Variants in TSPAN9 observed in about 807,000 individuals in gnomAD.
The protein encoded by TSPAN9 is tetraspanin 9.
In TSPAN9, 16 loss-of-function variants were observed where a neutral mutation model predicts 31.0. That is an observed-to-expected ratio of 0.52 (90% CI 0.35 to 0.78). The LOEUF (loss-of-function observed/expected upper bound fraction) is 0.78. Ranked by LOEUF, TSPAN9 falls within the 30% of genes least tolerant of loss-of-function variation. The probability of loss-of-function intolerance (pLI) is 0.01; values close to 1 mark genes in which losing one functional copy is unlikely to be tolerated. For missense variants in TSPAN9, 272 were observed against 312.5 expected, an observed-to-expected ratio of 0.87 and a Z score of 0.98; for synonymous variants, 145 against 121.6, an observed-to-expected ratio of 1.19 and a Z score of -1.27.
At chr12:3,212,415 T>C (rs2098379198) in intron 3 of TSPAN9, among the ~76,000 whole-genome samples, 2 of 152,222 alleles carry the variant, frequency 1.3e-5, no homozygotes, top group African/African-American at 4.8e-5. Context: ...TTATGTTATA[T>C]AGAGACTTCT....
At chr12:3,169,457 T>G (rs1415490403) in intron 2 of TSPAN9, among the ~76,000 whole-genome samples, 1 of 152,218 alleles carries the variant, frequency 6.6e-6, no homozygotes, top group Non-Finnish European at 1.5e-5. Flanking sequence ...CCCCTAGATC[T>G]CAGCTTCTCC....
At position 3,172,550 on chromosome 12, in the gene TSPAN9, G is replaced by C. The variant is rs919987970; in HGVS notation, c.-17-28627G>C. The C allele has an allele frequency of 2.0e-5, 3 of 152,298 alleles. No individual in the cohort carries two copies. The East Asian group carries it at 5.8e-4, about 29-fold the overall frequency. 9.4% of individuals were successfully genotyped at this position (152,298 alleles called of 1,614,324 possible). A position where few individuals can be genotyped will look rare whatever the true frequency, so the allele number is the denominator to read the frequency against. ...CCCTAGCGCATAGAATCATAACCGC[G>C]GGGGTCTGGTCTGGGGTGTTTTCAC... On this transcript the variant is annotated intron_variant, in intron 2 of 8. Coordinates refer to ENST00000011898, the MANE Select transcript of TSPAN9 (RefSeq NM_006675.5). The surrounding 1 kb of genome is among the most constrained non-coding windows in gnomAD (Gnocchi z 4.8).
chr12:3,244,712 G>A lies in TSPAN9; in HGVS notation c.64-33709G>A, dbSNP rs118122868. 2.3e-3 allele frequency among the ~76,000 whole-genome samples: 353 copies of A among 152,296 alleles called. 4 individuals carry two copies. The highest frequency in any genetic ancestry group is 0.018 in the East Asian group (94 of 5,172). On this transcript the variant is annotated intron_variant, in intron 3 of 8. Coordinates refer to ENST00000011898, the MANE Select transcript of TSPAN9 (RefSeq NM_006675.5). ...TGTGGTAGATGGTCTCTTTAGTCAC[G>A]GTGTGAGACCCGGGTAATGGGGAGA...
At chr12:3,204,286 C>T (rs907164894) in intron 3 of TSPAN9, among the ~76,000 whole-genome samples, 2 of 152,226 alleles carry the variant, frequency 1.3e-5, no homozygotes, top group African/African-American at 2.4e-5. Context: ...TGCCTCTGAG[C>T]GCTTGGGAGG....
rs111991627 is a variant in TSPAN9 at position 3,169,260 on chromosome 12, G to A, written c.-17-31917G>A. Among the ~76,000 whole-genome samples the A allele has an allele frequency of 2.3e-3, 350 of 152,282 alleles. 2 individuals are homozygous for A. Among genetic ancestry groups the A allele is most frequent in the African/African-American group, 8.1e-3 (336 of 41,560 alleles). ...GTGTGGGCAGGTTGACCTCAGGGCT[G>A]GGGGAAGGTTTGATTGGCTTTGGCA... On this transcript the variant is annotated intron_variant, in intron 2 of 8. Coordinates refer to ENST00000011898, the MANE Select transcript of TSPAN9 (RefSeq NM_006675.5).
chr12:3,139,364 C>T (rs1460174753), intron 2 of TSPAN9, among the ~76,000 whole-genome samples: 1 of 152,146 alleles, frequency 6.6e-6, no homozygotes, highest in East Asian at 1.9e-4. Context: ...ACCTCCCCCT[C>T]CCCCTCCTCC....
At chr12:3,092,036 G>A (rs2098305001) in intron 2 of TSPAN9, among the ~76,000 whole-genome samples, 1 of 152,224 alleles carries the variant, frequency 6.6e-6, no homozygotes, top group African/African-American at 2.4e-5. Context: ...AATGCTGACT[G>A]TGCAAACCTT....
intron 3 of TSPAN9, among the ~76,000 whole-genome samples, chr12:3,213,759 G>A (rs1292738091): frequency 6.6e-6 from 1 of 152,178 alleles, no homozygotes; most frequent in East Asian, 1.9e-4. Flanking sequence ...AGCTGTGGGA[G>A]GAATATTGAC....
chr12:3,280,303 C>G lies in TSPAN9; in HGVS notation c.331-79C>G. On this transcript the variant is annotated intron_variant, in intron 5 of 8. Coordinates refer to ENST00000011898, the MANE Select transcript of TSPAN9 (RefSeq NM_006675.5). This position sits in a 1 kb window ranked among gnomAD's most constrained non-coding sequence, Gnocchi z 4.5. ...TCACTCCTCATCTGTCACCCACCAT[C>G]CTGGGTGACCTGAGGTGGGCTGGAG... 1 of 1,305,624 alleles carries G rather than the reference C, an allele frequency of 7.7e-7. No individual in the cohort carries two copies. The highest frequency in any genetic ancestry group is 1.1e-6 in the Non-Finnish European group (1 of 913,838). 80.9% of individuals were successfully genotyped at this position (1,305,624 alleles called of 1,614,324 possible).
At chr12:3,269,015 T>C (rs1862610765) in intron 3 of TSPAN9, among the ~76,000 whole-genome samples, 1 of 97,742 alleles carries the variant, frequency 1.0e-5, no homozygotes, top group Admixed American at 9.5e-5. Flanking sequence ...CTGCCCTCTC[T>C]GTGTTCCTGC....
chr12:3,097,092 T>C (rs1170313881), intron 2 of TSPAN9, among the ~76,000 whole-genome samples: 2 of 152,108 alleles, frequency 1.3e-5, no homozygotes, highest in African/African-American at 4.8e-5. Context: ...AGGCCATTGC[T>C]CAGAATTTCA....
chr12:3,139,774 C>A (rs2098333883), intron 2 of TSPAN9, among the ~76,000 whole-genome samples: 1 of 152,180 alleles, frequency 6.6e-6, no homozygotes, highest in South Asian at 2.1e-4. Flanking sequence ...TCTCAAACTC[C>A]TGAGCTCAGG....
chr12:3,099,428 AG>A (rs1565575161), intron 2 of TSPAN9, among the ~76,000 whole-genome samples: 1 of 151,942 alleles, frequency 6.6e-6, no homozygotes, highest in Non-Finnish European at 1.5e-5. Flanking sequence ...TGCATTCTTG[AG>A]CTTTGGAGCG....
At chr12:3,273,924 C>T (rs1029541757) in intron 3 of TSPAN9, among the ~76,000 whole-genome samples, 2 of 152,208 alleles carry the variant, frequency 1.3e-5, no homozygotes, top group Admixed American at 6.5e-5. Context: ...TTGGGCATAT[C>T]GCTGTCATTG....
chr12:3,271,019 C>A (rs181525388), intron 3 of TSPAN9, among the ~76,000 whole-genome samples: 1 of 152,224 alleles, frequency 6.6e-6, no homozygotes, highest in South Asian at 2.1e-4. Flanking sequence ...TTAGAACTGT[C>A]TCACATGGAG....
chr12:3,082,796 T>C (rs2098298555), intron 1 of TSPAN9, among the ~76,000 whole-genome samples: 1 of 152,218 alleles, frequency 6.6e-6, no homozygotes, highest in Admixed American at 6.5e-5. Context: ...TGCCATTTGC[T>C]GTTTCCGGTA....
intron 2 of TSPAN9, among the ~76,000 whole-genome samples, chr12:3,184,671 G>T (rs2098360233): frequency 6.6e-6 from 1 of 151,988 alleles, no homozygotes; most frequent in African/African-American, 2.4e-5. Context: ...GCCACGGGAT[G>T]CTGCCGGGAG....
At position 3,159,231 on chromosome 12, in the gene TSPAN9, C is replaced by T. The variant is rs567302669; in HGVS notation, c.-17-41946C>T. On this transcript the variant is annotated intron_variant, in intron 2 of 8. Coordinates refer to ENST00000011898, the MANE Select transcript of TSPAN9 (RefSeq NM_006675.5). ...AGCACACTAGATTGAGAGCAGGAGC[C>T]GTGGCTTCTCCTCCCAGCTCTGCCT... Among the ~76,000 whole-genome samples the T allele has an allele frequency of 1.2e-3, 181 of 151,514 alleles. 2 individuals are homozygous for T. The highest frequency in any genetic ancestry group is 4.0e-3 in the African/African-American group (166 of 41,216).
chr12:3,159,949 C>T (rs901165395), intron 2 of TSPAN9, among the ~76,000 whole-genome samples: 11 of 152,146 alleles, frequency 7.2e-5, no homozygotes, highest in African/African-American at 2.2e-4. Context: ...AACTGATACA[C>T]CTATTTGTAT....
Sources: gnomAD v4.1 joint callset for allele counts (sites outside exome capture counted in the v4.1 genomes callset) on GRCh38, gnomAD v4.1.1 for gene constraint, Gnocchi (gnomAD v3.1) non-coding constraint, MANE v1.5 for transcripts, NCBI Gene and HGNC (gene_info 2026-07-23, HGNC 2026-07-21) for gene names.